DISC1: variants seen among roughly 807,000 people sequenced by gnomAD.
DISC1 encodes disrupted in schizophrenia 1 protein.
In DISC1, 57 loss-of-function variants were observed where a neutral mutation model predicts 84.5. The observed-to-expected ratio is 0.67, with a 90% CI of 0.55 to 0.84. The LOEUF is 0.84. Among genes scored for constraint, DISC1 ranks in the 40% least tolerant of loss-of-function variants. The pLI is 0.00. For missense variants in DISC1, 1,000 were observed against 1,057.8 expected (o/e 0.95, Z 0.76); for synonymous variants, 411 against 415.2 (o/e 0.99, Z 0.12).
intron 9 of DISC1, among the ~76,000 whole-genome samples, chr1:231,835,148 G>T (rs544210860): frequency 6.6e-6 from 1 of 152,336 alleles, no homozygotes; most frequent in African/African-American, 2.4e-5. Context: ...AGAGGTCATA[G>T]GTGGATCTTT....
intron 9 of DISC1, among the ~76,000 whole-genome samples, chr1:231,926,316 T>C (rs1405717257): frequency 2.0e-5 from 3 of 152,138 alleles, no homozygotes; most frequent in South Asian, 2.1e-4. Flanking sequence ...CTATCAAAAG[T>C]GGGTTTACGT....
chr1:231,704,484 C>T (rs745330455), intron 3 of DISC1, among the ~76,000 whole-genome samples: 22 of 152,122 alleles, frequency 1.4e-4, no homozygotes, highest in South Asian at 4.1e-4. Context: ...GGGCTGGGCG[C>T]GGTGGCTCAT....
intron 1 of DISC1, among the ~76,000 whole-genome samples, chr1:231,633,762 A>T (rs1004409983): frequency 6.6e-6 from 1 of 152,210 alleles, no homozygotes; most frequent in African/African-American, 2.4e-5. Flanking sequence ...TCGCTTTCAC[A>T]GGTTGAAAGG....
intron 4 of DISC1, among the ~76,000 whole-genome samples, chr1:231,763,177 C>T (rs759610278): frequency 6.6e-6 from 1 of 152,108 alleles, no homozygotes; most frequent in Non-Finnish European, 1.5e-5. Context: ...ACCTGGGACT[C>T]AGCCTGATCC....
At chr1:231,814,728 A>C (rs935754515) in intron 8 of DISC1, among the ~76,000 whole-genome samples, 11 of 152,218 alleles carry the variant, frequency 7.2e-5, no homozygotes, top group Middle Eastern at 3.4e-3. Flanking sequence ...GTGCTTTCCC[A>C]GTCTTACAAA....
At chr1:231,771,520 T>C in intron 6 of DISC1, 4 of 985,474 alleles carry the variant, frequency 4.1e-6, no homozygotes, top group Non-Finnish European at 4.8e-6. Context: ...GGATTGTTAC[T>C]GGTAGCTAAA....
chr1:231,734,998 A>G (rs2072289412), intron 3 of DISC1, among the ~76,000 whole-genome samples: 1 of 152,228 alleles, frequency 6.6e-6, no homozygotes, highest in South Asian at 2.1e-4. Context: ...TTTTATGCAG[A>G]AATCAAAGAG....
intron 5 of DISC1, among the ~76,000 whole-genome samples, chr1:231,768,256 A>G (rs72758645): frequency 0.073 from 11,172 of 152,222 alleles, 532 homozygotes; most frequent in South Asian, 0.11. Flanking sequence ...TGGGAAGAGC[A>G]TAGGTCTTCA....
chr1:231,789,945 A>T (rs1232709812), intron 6 of DISC1, among the ~76,000 whole-genome samples: 3 of 152,320 alleles, frequency 2.0e-5, no homozygotes, highest in South Asian at 2.1e-4. Context: ...AATCATTTTT[A>T]AAAATGATTT....
rs1558567324 is a variant in DISC1, at chr1:231,800,197, G to A, written c.1779G>A (p.Met593Ile). The stretch of plus-strand genomic sequence containing the variant: ...TACCAGCCTTGCTTGAAGCCAAAAT[G>A]CATGCCATATCAGGTAACTGGCAGT... ...TQLPALLEAK[M>I]HAISGNHFWT... The change falls in exon 8 of 13, where the codon ATG becomes ATA. Residue 593 changes from methionine to isoleucine, a missense_variant. Physicochemically the swap from Met to Ile is conservative, Grantham distance 10 (BLOSUM62 1). Coordinates refer to ENST00000439617, the MANE Select transcript of DISC1 (RefSeq NM_018662.3). 6.2e-7 allele frequency: 1 copy of A among 1,611,780 alleles called. No homozygotes were observed.
At chr1:232,020,949 G>A (rs1312336171) in intron 11 of DISC1, among the ~76,000 whole-genome samples, 1 of 152,168 alleles carries the variant, frequency 6.6e-6, no homozygotes, top group Non-Finnish European at 1.5e-5. Context: ...TGCTTTCCAA[G>A]CAAGGGAAAA....
intron 9 of DISC1, among the ~76,000 whole-genome samples, chr1:231,833,080 G>T (rs1042409855): frequency 6.7e-6 from 1 of 148,966 alleles, no homozygotes; most frequent in African/African-American, 2.5e-5. Flanking sequence ...AGAGGAGGAC[G>T]CAAAGGAGGC....
At chr1:231,817,425 A>G (rs899143612) in intron 8 of DISC1, among the ~76,000 whole-genome samples, 6 of 152,210 alleles carry the variant, frequency 3.9e-5, no homozygotes, top group Non-Finnish European at 7.3e-5. Context: ...ATTTCTACAA[A>G]AGAACCTCAT....
At chr1:231,674,579 G>A (rs974313586) in intron 1 of DISC1, among the ~76,000 whole-genome samples, 6 of 152,218 alleles carry the variant, frequency 3.9e-5, no homozygotes, top group Non-Finnish European at 2.9e-5. Flanking sequence ...ACCAGGCTAG[G>A]TGTGACCCGG....
chr1:231,674,145 T>C (rs1336150532), intron 1 of DISC1, among the ~76,000 whole-genome samples: 1 of 152,212 alleles, frequency 6.6e-6, no homozygotes, highest in East Asian at 1.9e-4. Flanking sequence ...TGACATAAAA[T>C]ATGTTAAGAG....
At chr1:232,011,500 G>A (rs1349347300) in intron 11 of DISC1, among the ~76,000 whole-genome samples, 4 of 152,156 alleles carry the variant, frequency 2.6e-5, no homozygotes, top group South Asian at 2.1e-4. Context: ...GAGGGCAGCC[G>A]TTCTCTGAAT....
In DISC1 at chr1:231,772,156, A is replaced by G. The variant is rs565127029; in HGVS notation, c.1634+1086A>G. Reference sequence around the variant, plus strand: ...TTTTTTGTAGAGGTGAAGTATTTCTATGTTGCCCAGGTTGCTCTTGAATTC... The same window carrying G: ...TTTTTTGTAGAGGTGAAGTATTTCTGTGTTGCCCAGGTTGCTCTTGAATTC... On this transcript the variant is annotated intron_variant, in intron 6 of 12. Coordinates refer to ENST00000439617, the MANE Select transcript of DISC1 (RefSeq NM_018662.3). Among the ~76,000 whole-genome samples the G allele has an allele frequency of 9.4e-4, 143 of 151,936 alleles. 1 individual carries two copies. The highest frequency in any genetic ancestry group is 3.4e-3 in the African/African-American group (141 of 41,444).
chr1:231,699,171 C>T (rs940748658), intron 2 of DISC1, among the ~76,000 whole-genome samples: 4 of 152,092 alleles, frequency 2.6e-5, no homozygotes, highest in African/African-American at 9.7e-5. Context: ...AATGCTTCAG[C>T]GTAGAGGTAA....
chr1:231,739,850 A>G (rs945960002), intron 3 of DISC1, among the ~76,000 whole-genome samples: 1 of 152,188 alleles, frequency 6.6e-6, no homozygotes, highest in Non-Finnish European at 1.5e-5. Flanking sequence ...AAAGATTGCC[A>G]ATCTGGGTAA....
Sources: allele counts gnomAD v4.1 joint callset (sites outside exome capture counted in the v4.1 genomes callset), GRCh38; gene constraint gnomAD v4.1.1; transcripts MANE v1.5; gene names NCBI Gene and HGNC (gene_info 2026-07-23, HGNC 2026-07-21).